TRIO: variants seen among roughly 807,000 people sequenced by gnomAD.
TRIO encodes triple functional domain protein.
TRIO carries 58 observed loss-of-function variants against 351.9 expected under a neutral mutation model. That is an observed-to-expected ratio of 0.16 (90% CI 0.13 to 0.21). TRIO has a LOEUF of 0.21. Among genes scored for constraint, TRIO ranks in the 10% least tolerant of loss-of-function variants. The pLI, the probability that TRIO is intolerant of heterozygous loss-of-function variation, is 1.00. For synonymous variants in TRIO, 1,758 were observed against 1,595.7 expected (o/e 1.10, Z -2.42); for missense variants, 3,201 against 4,027.8 (o/e 0.79, Z 5.56).
chr5:14,207,921 A>C (rs80157847), intron 1 of TRIO, among the ~76,000 whole-genome samples: 267 of 152,348 alleles, frequency 1.8e-3, no homozygotes, highest in African/African-American at 6.2e-3. Flanking sequence ...AAGATGTTCA[A>C]TATCATTAGT....
intron 48 of TRIO, chr5:14,490,699 C>G (rs1013971349): frequency 1.4e-5 from 6 of 427,984 alleles, no homozygotes; most frequent in African/African-American, 1.0e-4. Context: ...GCAGGATAGA[C>G]TTGAAATGCC....
At chr5:14,367,014 T>A (rs773978512) in intron 16 of TRIO, 35 bp downstream of exon 16, 2 of 1,612,244 alleles carry the variant, frequency 1.2e-6, no homozygotes, top group South Asian at 1.1e-5. Context: ...TGTTGGCTCT[T>A]TCATTCCTCA....
chr5:14,281,372 A>C (rs573103689), intron 3 of TRIO, among the ~76,000 whole-genome samples: 1 of 151,218 alleles, frequency 6.6e-6, no homozygotes, highest in East Asian at 2.0e-4. Flanking sequence ...ACCAGATCTC[A>C]TGAGAACTCC....
intron 1 of TRIO, among the ~76,000 whole-genome samples, chr5:14,263,188 A>C (rs1795461906): frequency 1.3e-5 from 2 of 152,128 alleles, no homozygotes; most frequent in African/African-American, 4.8e-5. Flanking sequence ...CTGACAACTC[A>C]TATGTGTTGC....
chr5:14,239,382 G>A (rs1466883733), intron 1 of TRIO, among the ~76,000 whole-genome samples: 2 of 152,090 alleles, frequency 1.3e-5, no homozygotes, highest in African/African-American at 4.8e-5. Flanking sequence ...AATCAAATCT[G>A]CAGTGCCAGC....
In TRIO at chr5:14,497,199, G is replaced by A. The variant is rs1391524429; in HGVS notation, c.8019+182G>A. 1.3e-5 allele frequency among the ~76,000 whole-genome samples: 2 copies of A among 152,220 alleles called. No individual in the cohort carries two copies. The highest frequency in any genetic ancestry group is 6.5e-5 in the Admixed American group (1 of 15,286). On this transcript the variant is annotated intron_variant, in intron 50 of 56. Coordinates refer to ENST00000344204, the MANE Select transcript of TRIO (RefSeq NM_007118.4). The surrounding 1 kb of genome is among the most constrained non-coding windows in gnomAD (Gnocchi z 4.4). Reference sequence around the variant, plus strand: ...GCACTATGCTGGCCAGCACAGGGATGGGTGCGTCCTACAAGGAACCAGGTA... The same window carrying A: ...GCACTATGCTGGCCAGCACAGGGATAGGTGCGTCCTACAAGGAACCAGGTA...
chr5:14,206,647 C>T (rs921831220), intron 1 of TRIO, among the ~76,000 whole-genome samples: 10 of 152,170 alleles, frequency 6.6e-5, no homozygotes, highest in Non-Finnish European at 1.2e-4. Flanking sequence ...CATTCCATTT[C>T]GATGGTGCCT....
intron 1 of TRIO, among the ~76,000 whole-genome samples, chr5:14,170,878 T>G (rs1218195180): frequency 6.6e-6 from 1 of 152,210 alleles, no homozygotes; most frequent in Non-Finnish European, 1.5e-5. Context: ...TTTAACTATT[T>G]ACATTGAAAA....
At chr5:14,374,010 A>G (rs528139827) in intron 18 of TRIO, among the ~76,000 whole-genome samples, 1 of 152,278 alleles carries the variant, frequency 6.6e-6, no homozygotes, top group South Asian at 2.1e-4. Flanking sequence ...GCCTCTCTAT[A>G]GGGCAGAATG....
intron 1 of TRIO, among the ~76,000 whole-genome samples, chr5:14,162,405 C>T (rs75455065): frequency 1.3e-5 from 2 of 152,108 alleles, no homozygotes; most frequent in East Asian, 3.8e-4. Flanking sequence ...CTCTTCTAGC[C>T]CATATTCTTT....
At chr5:14,319,521 C>T (rs1259408844) in intron 9 of TRIO, among the ~76,000 whole-genome samples, 2 of 152,250 alleles carry the variant, frequency 1.3e-5, no homozygotes, top group Middle Eastern at 6.8e-3. Flanking sequence ...TTTAGAAGGA[C>T]GTTACCAGCA....
intron 9 of TRIO, among the ~76,000 whole-genome samples, chr5:14,323,242 A>G (rs964180744): frequency 4.6e-5 from 7 of 152,090 alleles, no homozygotes; most frequent in African/African-American, 1.4e-4. Context: ...CTCACACACA[A>G]TAGAATTTGA....
intron 1 of TRIO, among the ~76,000 whole-genome samples, chr5:14,230,291 T>C (rs958603366): frequency 2.0e-5 from 3 of 152,000 alleles, no homozygotes; most frequent in African/African-American, 4.8e-5. Context: ...ATGCTCAGGA[T>C]TTTTACTTAC....
At position 14,437,743 on chromosome 5, in the gene TRIO, C is replaced by G. The variant is rs576806385; in HGVS notation, c.5203+17722C>G. Among the ~76,000 whole-genome samples the G allele has an allele frequency of 3.3e-5, 5 of 149,568 alleles. 1 individual carries two copies. Among genetic ancestry groups the G allele is most frequent in the South Asian group, 4.3e-4 (2 of 4,704 alleles). ...CTTTCACCTCTTTAAATTTCCGCCT[C>G]AAAGCACAGTCGCATTCCAAGGTCC... On this transcript the variant is annotated intron_variant, in intron 34 of 56. Transcript: ENST00000344204.
At chr5:14,399,295 T>C (rs1579538572) in intron 30 of TRIO, 1 of 542,846 alleles carries the variant, frequency 1.8e-6, no homozygotes, top group East Asian at 2.8e-5. Flanking sequence ...TTGCTCTTCT[T>C]AAATCCTGTA....
chr5:14,473,909 G>T, intron 39 of TRIO, 85 bp from the exon 40 acceptor site: 3 of 1,336,526 alleles, frequency 2.2e-6, no homozygotes, highest in Non-Finnish European at 2.1e-6. Context: ...TGTCCATTTT[G>T]CCCTCTGTGA....
At chr5:14,437,385 G>T (rs534556316) in intron 34 of TRIO, among the ~76,000 whole-genome samples, 11 of 152,246 alleles carry the variant, frequency 7.2e-5, no homozygotes, top group Admixed American at 1.3e-4. Flanking sequence ...GGGTGATGTT[G>T]TTCAGCTGGG....
At chr5:14,481,668 C>G (rs377197632) in intron 45 of TRIO, 50 bp downstream of exon 45, 1 of 1,586,746 alleles carries the variant, frequency 6.3e-7, no homozygotes, top group Non-Finnish European at 8.6e-7. Context: ...TCATCTCTTT[C>G]TTTTGTCTTG....
At chr5:14,396,006 A>G (rs1325701661) in intron 28 of TRIO, among the ~76,000 whole-genome samples, 1 of 143,062 alleles carries the variant, frequency 7.0e-6, no homozygotes, top group East Asian at 2.0e-4. Context: ...AGATCACGCC[A>G]TTGCACTCCA....
Sources: gnomAD v4.1 joint callset for allele counts (sites outside exome capture counted in the v4.1 genomes callset) on GRCh38, gnomAD v4.1.1 for gene constraint, Gnocchi (gnomAD v3.1) non-coding constraint, MANE v1.5 for transcripts, NCBI Gene and HGNC (gene_info 2026-07-23, HGNC 2026-07-21) for gene names.